The following CDHR4 variants were observed in gnomAD, a reference collection of about 807,000 sequenced individuals.
CDHR4 encodes cadherin related family member 4, also known as cadherin-related family member 4.
Under a neutral mutation model 88.4 loss-of-function variants are expected in CDHR4, and 89 were observed. That is an observed-to-expected ratio of 1.01 (90% CI 0.85 to 1.20). The LOEUF is 1.20. Among genes scored for constraint, CDHR4 ranks in the 50% most tolerant of loss-of-function variants. The probability of loss-of-function intolerance (pLI) is 0.00; values close to 1 mark genes in which losing one functional copy is unlikely to be tolerated. For synonymous variants in CDHR4, 368 were observed against 399.2 expected, an observed-to-expected ratio of 0.92 and a Z score of 0.93; for missense variants, 914 against 1,007.2, an observed-to-expected ratio of 0.91 and a Z score of 1.25.
Position 49,791,938 on chromosome 3 carries a change from T to C in CDHR4, c.2160A>G (p.Ala720=), listed in dbSNP as rs1203645778. The part of the protein sequence containing the change: ...LLQGLAQLLQ[A]PSKPAQALLL... ...GCAAAGCCTGGGCTGGTTTGCTGGG[T>C]GCTTGCAGCAGCTGGGCCAACCTAA... Residue 720 remains alanine, a synonymous_variant, in exon 16 of 19, where the codon GCA becomes GCG. Coordinates refer to ENST00000412678, the MANE Select transcript of CDHR4 (RefSeq NM_001007540.4). 6.4e-7 allele frequency: 1 copy of C among 1,551,578 alleles called. No homozygotes were observed. Among genetic ancestry groups the C allele is most frequent in the African/African-American group, 1.4e-5 (1 of 73,050 alleles).
Position 49,796,973 on chromosome 3 carries a change from C to G in CDHR4, c.555G>C (p.Glu185Asp). Residue 185 changes from glutamate (E) to aspartate (D), a missense_variant, in exon 5 of 19, where the codon GAG becomes GAC. Transcript: ENST00000412678. ...PHFPGPFSINEQGWLQAPSQG... is the reference protein window; with the variant it reads ...PHFPGPFSINDQGWLQAPSQG... ...GGGATGGTGCCTGCAGCCAACCTTG[C>G]TCATTGATGGAGAAAGGTCCAGGGA... The G allele has an allele frequency of 6.4e-7, 1 of 1,551,734 alleles. No individual in the cohort carries two copies. The highest frequency in any genetic ancestry group is 1.2e-5 in the South Asian group (1 of 84,068).
chr3:49,795,157 C>A lies in CDHR4; in HGVS notation c.1031+39G>T. The A allele has an allele frequency of 6.4e-7, 1 of 1,551,542 alleles. No individual in the cohort carries two copies. The highest frequency in any genetic ancestry group is 1.2e-5 in the South Asian group (1 of 84,062). Reference sequence around the variant, plus strand: ...TCTGGCAGTACCCTGAGTCATGGCTCTGACCCCAGCAGCCCAAGTATGGTT... The same window carrying A: ...TCTGGCAGTACCCTGAGTCATGGCTATGACCCCAGCAGCCCAAGTATGGTT... On this transcript the variant is annotated intron_variant, in intron 8 of 18. Coordinates refer to ENST00000412678, the MANE Select transcript of CDHR4 (RefSeq NM_001007540.4). This position sits in a 1 kb window ranked among gnomAD's most constrained non-coding sequence, Gnocchi z 5.4.
intron 10 of CDHR4, among the ~76,000 whole-genome samples, 174 bp downstream of exon 10, chr3:49,794,434 G>A (rs979180801): frequency 6.6e-6 from 1 of 152,060 alleles, no homozygotes. Context: ...TCTAAAGGGA[G>A]GGCAGAAGCC....
chr3:49,800,796 G>A (rs2081349616), upstream of CDHR4, among the ~76,000 whole-genome samples: 1 of 150,228 alleles, frequency 6.7e-6, no homozygotes, highest in Admixed American at 6.7e-5. Flanking sequence ...GGTGGCTTAT[G>A]CCTGTATGGG....
rs987049005 is a variant in CDHR4, at chr3:49,793,730, G to A, written c.1484-8C>T. 4.5e-6 allele frequency: 7 copies of A among 1,551,540 alleles called. No homozygotes were observed. The highest frequency in any genetic ancestry group is 6.1e-6 in the Non-Finnish European group (7 of 1,146,938). On this transcript the variant is annotated splice_region_variant and splice_polypyrimidine_tract_variant and intron_variant, in intron 11 of 18. Transcript: ENST00000412678. ...CCAGGAGGTGAACTTCCCCTAGAGG[G>A]GGAGACCACAGCTTCAGCCTGCAGG...
chr3:49,793,691 A>C lies in CDHR4; in HGVS notation c.1515T>G (p.Tyr505Ter). ...TGAGCCTGTACAGCCTCTGCTGCTC[A>C]TAGTCCAAAGGTCCCAGGAGGTGAA... ...GEVHLLGPLD[Y>*]EQQRLYRLTV... Residue 505 changes from tyrosine (Y) to a stop codon, truncating the protein, a stop_gained, in exon 12 of 19, where the codon TAT (tyrosine) becomes TAG (stop). Transcript: ENST00000412678. LOFTEE classifies it high-confidence loss of function. 6.4e-7 allele frequency: 1 copy of C among 1,551,762 alleles called. No individual in the cohort carries two copies. The highest frequency in any genetic ancestry group is 8.7e-7 in the Non-Finnish European group (1 of 1,146,998).
intron 5 of CDHR4, 98 bp downstream of exon 5, chr3:49,796,824 T>G: frequency 2.3e-6 from 2 of 868,662 alleles, no homozygotes; most frequent in South Asian, 3.1e-5. Flanking sequence ...GAGTCAGTAT[T>G]AGTCAAGGAG....
chr3:49,791,044 C>T (rs1367247712), intron 18 of CDHR4, among the ~76,000 whole-genome samples, 157 bp from the exon 19 acceptor site: 3 of 152,170 alleles, frequency 2.0e-5, no homozygotes, highest in African/African-American at 7.2e-5. Context: ...TCCCTCCCTT[C>T]TCAGCAAATT....
At chr3:49,800,917 T>C (rs1332544913), upstream of CDHR4, among the ~76,000 whole-genome samples, 1 of 149,520 alleles carries the variant, frequency 6.7e-6, no homozygotes, top group Non-Finnish European at 1.5e-5. Context: ...CTGAGTGTGG[T>C]GGCACATGCC....
chr3:49,794,137 G>T, intron 10 of CDHR4, 131 bp from the exon 11 acceptor site: 1 of 862,648 alleles, frequency 1.2e-6, no homozygotes, highest in South Asian at 1.7e-5. Flanking sequence ...GGTGGCTCAC[G>T]CCTGTAATCC....
At chr3:49,801,067 A>G (rs1559426022), upstream of CDHR4, among the ~76,000 whole-genome samples, 2 of 151,736 alleles carry the variant, frequency 1.3e-5, no homozygotes, top group Non-Finnish European at 2.9e-5. Flanking sequence ...AAAAAACAAA[A>G]ACGGTTGTCT....
upstream of CDHR4, among the ~76,000 whole-genome samples, chr3:49,801,373 C>T (rs757146707): frequency 3.3e-5 from 5 of 152,298 alleles, no homozygotes; most frequent in African/African-American, 7.2e-5. Context: ...GGCACAGTCC[C>T]GATTGCTGTC....
chr3:49,794,742 G>T (rs762442754), intron 9 of CDHR4, 41 bp from the exon 10 acceptor site: 20 of 1,513,258 alleles, frequency 1.3e-5, no homozygotes, highest in Non-Finnish European at 1.8e-5. Context: ...GCCAGGGCCT[G>T]AGAGAGCCCT....
chr3:49,799,466 G>A (rs749570671), intron 1 of CDHR4, 29 bp from the exon 2 acceptor site: 2 of 1,560,906 alleles, frequency 1.3e-6, no homozygotes, highest in South Asian at 1.2e-5. Context: ...TCAGGCTGGA[G>A]GCCCCCAGGC....
At position 49,795,177 on chromosome 3, in the gene CDHR4, A is replaced by G. The variant is rs1559726579; in HGVS notation, c.1031+19T>C. On this transcript the variant is annotated intron_variant, in intron 8 of 18. Transcript: ENST00000412678. The surrounding 1 kb of genome is among the most constrained non-coding windows in gnomAD (Gnocchi z 5.4). ...TGGCTCTGACCCCAGCAGCCCAAGT[A>G]TGGTTCCCGGGTACTCACACCAGAA... The G allele has an allele frequency of 3.9e-6, 6 of 1,551,412 alleles. No individual in the cohort carries two copies. The highest frequency in any genetic ancestry group is 5.2e-6 in the Non-Finnish European group (6 of 1,146,924).
chr3:49,791,497 A>G (rs1286152815), intron 17 of CDHR4, 29 bp from the exon 18 acceptor site: 5 of 1,542,912 alleles, frequency 3.2e-6, no homozygotes, highest in South Asian at 1.2e-5. Context: ...AAAAGATGCA[A>G]TGAATTGAAC....
intron 2 of CDHR4, 21 bp from the exon 3 acceptor site, chr3:49,799,177 C>T (rs982921050): frequency 1.3e-6 from 2 of 1,591,906 alleles, no homozygotes; most frequent in African/African-American, 1.3e-5. Flanking sequence ...TGGACAGTGC[C>T]ATGTGGGGCT....
Position 49,795,532 on chromosome 3 carries a change from G to T in CDHR4, c.847+96C>A. 7.9e-6 allele frequency: 12 copies of T among 1,512,502 alleles called. No individual in the cohort carries two copies. Among genetic ancestry groups the T allele is most frequent in the Non-Finnish European group, 9.8e-6 (11 of 1,123,638 alleles). 93.7% of individuals were successfully genotyped at this position (1,512,502 alleles called of 1,614,324 possible). A position where few individuals can be genotyped will look rare whatever the true frequency, so the allele number is the denominator to read the frequency against. ...CTCCTGCTGCCTTCTCCAAGACCAG[G>T]CCCCCAAACAGGAAGGTGAAGAGGT... is the stretch of plus-strand genomic sequence containing the variant. On this transcript the variant is annotated intron_variant, in intron 7 of 18. Coordinates refer to ENST00000412678, the MANE Select transcript of CDHR4 (RefSeq NM_001007540.4). This position sits in a 1 kb window ranked among gnomAD's most constrained non-coding sequence, Gnocchi z 5.4.
intron 5 of CDHR4, 130 bp from the exon 6 acceptor site, chr3:49,796,176 C>T: frequency 3.3e-6 from 2 of 600,680 alleles, no homozygotes; most frequent in Non-Finnish European, 5.7e-6. Context: ...CCACTCTTCC[C>T]CATGATCCCC....
Sources: gnomAD v4.1 joint callset for allele counts (sites outside exome capture counted in the v4.1 genomes callset) on GRCh38, gnomAD v4.1.1 for gene constraint, Gnocchi (gnomAD v3.1) non-coding constraint, MANE v1.5 for transcripts, NCBI Gene and HGNC (gene_info 2026-07-23, HGNC 2026-07-21) for gene names.